Variants in MYO18B observed in about 807,000 individuals in gnomAD.
MYO18B encodes the protein myosin XVIIIB, also known as unconventional myosin-XVIIIb.
In MYO18B, 204 loss-of-function variants were observed where a neutral mutation model predicts 273.0. The observed-to-expected ratio is 0.75, with a 90% CI of 0.67 to 0.84. The LOEUF (loss-of-function observed/expected upper bound fraction) is 0.84, where lower values mean the gene tolerates loss of function less well. Among genes scored for constraint, MYO18B ranks in the 40% least tolerant of loss-of-function variants. The probability of loss-of-function intolerance (pLI) is 0.00; values close to 1 mark genes in which losing one functional copy is unlikely to be tolerated. For missense variants in MYO18B, 3,212 were observed against 3,287.6 expected, an observed-to-expected ratio of 0.98 and a Z score of 0.56; for synonymous variants, 1,330 against 1,305.7, an observed-to-expected ratio of 1.02 and a Z score of -0.40.
At chr22:26,014,023 G>A (rs1409938606) in intron 42 of MYO18B, among the ~76,000 whole-genome samples, 1 of 151,928 alleles carries the variant, frequency 6.6e-6, no homozygotes, top group African/African-American at 2.4e-5. Context: ...AGTTTATAAT[G>A]TTTTCCTTTA....
chr22:26,016,709 T>C (rs370463378), intron 42 of MYO18B, among the ~76,000 whole-genome samples: 155 of 152,286 alleles, frequency 1.0e-3, no homozygotes, highest in African/African-American at 3.7e-3. Context: ...TGGGGATTCA[T>C]AGAAGAAAGA....
intron 33 of MYO18B, among the ~76,000 whole-genome samples, chr22:25,917,870 A>G (rs2092286224): frequency 6.6e-6 from 1 of 152,094 alleles, no homozygotes; most frequent in Non-Finnish European, 1.5e-5. Context: ...TTCCAGATAT[A>G]TGCTTAATCA....
intron 21 of MYO18B, among the ~76,000 whole-genome samples, chr22:25,867,449 T>C (rs2090920791): frequency 6.6e-6 from 1 of 152,228 alleles, no homozygotes; most frequent in South Asian, 2.1e-4. Flanking sequence ...TTGTAGCATG[T>C]GTCAGAATTT....
intron 34 of MYO18B, among the ~76,000 whole-genome samples, chr22:25,926,716 A>G (rs1336902665): frequency 6.6e-6 from 1 of 152,206 alleles, no homozygotes; most frequent in African/African-American, 2.4e-5. Flanking sequence ...AGGCCAAGCT[A>G]CAGGGATAAA....
At chr22:25,823,394 G>T in intron 12 of MYO18B, 111 bp from the exon 13 acceptor site, 1 of 1,213,032 alleles carries the variant, frequency 8.2e-7, no homozygotes, top group South Asian at 1.5e-5. Context: ...CGGCTGAGGA[G>T]GCTGGCCTGG....
chr22:25,757,847 G>A (rs1293212601), intron 1 of MYO18B, among the ~76,000 whole-genome samples: 1 of 152,140 alleles, frequency 6.6e-6, no homozygotes, highest in Non-Finnish European at 1.5e-5. Context: ...GACAGCTCTG[G>A]TGTGTGCAAC....
chr22:26,008,736 C>T lies in MYO18B; in HGVS notation c.6470+3881C>T, dbSNP rs118148105. Reference sequence around the variant, plus strand: ...TCAGGAGTTTCTCTTAACATCTGGCCGCAAGTGGTGCCTGGGCTGTCCAGG... The same window carrying T: ...TCAGGAGTTTCTCTTAACATCTGGCTGCAAGTGGTGCCTGGGCTGTCCAGG... On this transcript the variant is annotated intron_variant, in intron 42 of 43. Transcript: ENST00000335473. 1.4e-3 allele frequency among the ~76,000 whole-genome samples: 214 copies of T among 152,256 alleles called. 4 individuals are homozygous for T. In the South Asian group the frequency reaches 0.024, roughly 17 times the overall value.
intron 34 of MYO18B, among the ~76,000 whole-genome samples, chr22:25,945,487 CACCAGGGGTG>C (rs1161775697): frequency 2.0e-5 from 3 of 152,120 alleles, no homozygotes; most frequent in African/African-American, 4.8e-5. Flanking sequence ...CCTGGTGATG[CACCAGGGGTG>C]ACATTTTGAG....
intron 1 of MYO18B, among the ~76,000 whole-genome samples, chr22:25,750,058 A>G (rs2085889893): frequency 6.6e-6 from 1 of 152,212 alleles, no homozygotes; most frequent in African/African-American, 2.4e-5. Context: ...AAGATTTCCT[A>G]TCTGGCGCTT....
At chr22:25,882,040 G>A (rs1281330367) in intron 25 of MYO18B, among the ~76,000 whole-genome samples, 9 of 152,046 alleles carry the variant, frequency 5.9e-5, no homozygotes, top group Admixed American at 5.2e-4. Flanking sequence ...ATTTTAGGTG[G>A]CACTTCCTCT....
At chr22:25,945,453 G>C (rs575893505) in intron 34 of MYO18B, among the ~76,000 whole-genome samples, 26 of 152,140 alleles carry the variant, frequency 1.7e-4, no homozygotes, top group African/African-American at 6.0e-4. Context: ...GCAAGGATTT[G>C]CTGAATGGAA....
chr22:25,997,304 CCAAAAAAAAA>C (rs1199590125), intron 40 of MYO18B, among the ~76,000 whole-genome samples: 13 of 22,554 alleles, frequency 5.8e-4, no homozygotes, highest in African/African-American at 2.8e-3. Context: ...AACTCTGTCG[CCAAAAAAAAA>C]AAAAAAAAAA....
At chr22:25,812,689 C>A (rs527712900) in intron 12 of MYO18B, among the ~76,000 whole-genome samples, 9 of 152,306 alleles carry the variant, frequency 5.9e-5, no homozygotes, top group African/African-American at 1.9e-4. Flanking sequence ...CCATAGAGAT[C>A]TCTCTGCATG....
chr22:25,963,178 T>TCTCTCA (rs774304270), intron 39 of MYO18B, among the ~76,000 whole-genome samples: 3,506 of 143,990 alleles, frequency 0.024, 50 homozygotes, highest in Middle Eastern at 0.028. Flanking sequence ...TCTCTCTCTC[T>TCTCTCA]CACACACACA....
intron 42 of MYO18B, among the ~76,000 whole-genome samples, chr22:26,025,010 C>G (rs1936131988): frequency 6.6e-6 from 1 of 152,180 alleles, no homozygotes; most frequent in Admixed American, 6.5e-5. Context: ...CCTCTGGGGC[C>G]TCTTTTATAA....
intron 37 of MYO18B, among the ~76,000 whole-genome samples, chr22:25,951,653 T>C (rs2092794143): frequency 6.6e-6 from 1 of 152,190 alleles, no homozygotes; most frequent in Non-Finnish European, 1.5e-5. Flanking sequence ...ATCCATGAAA[T>C]TTTCAAAGCT....
At chr22:25,761,890 G>A (rs1352218073) in intron 2 of MYO18B, among the ~76,000 whole-genome samples, 2 of 152,150 alleles carry the variant, frequency 1.3e-5, no homozygotes, top group African/African-American at 2.4e-5. Context: ...TTGGGAGGCC[G>A]AAGCAGGTGA....
At chr22:25,946,325 C>CTGAGCGCACACTAG in intron 35 of MYO18B, 75 bp downstream of exon 35, 2 of 998,582 alleles carry the variant, frequency 2.0e-6, no homozygotes, top group Non-Finnish European at 3.0e-6. Context: ...GCCTAGTGTG[C>CTGAGCGCACACTAG]GCTCAGCACT....
chr22:26,015,654 G>A (rs879779573), intron 42 of MYO18B, among the ~76,000 whole-genome samples: 6 of 152,150 alleles, frequency 3.9e-5, no homozygotes, highest in Non-Finnish European at 8.8e-5. Context: ...CTATCAGAAG[G>A]TGGAGGGTGG....
Sources: gnomAD v4.1 joint callset for allele counts (sites outside exome capture counted in the v4.1 genomes callset) on GRCh38, gnomAD v4.1.1 for gene constraint, MANE v1.5 for transcripts, NCBI Gene and HGNC (gene_info 2026-07-23, HGNC 2026-07-21) for gene names.